DTNBP1: variants seen among roughly 807,000 people sequenced by gnomAD.
The protein encoded by DTNBP1 is dystrobrevin binding protein 1, also known as dysbindin.
Under a neutral mutation model 42.8 loss-of-function variants are expected in DTNBP1, and 35 were observed. That is an observed-to-expected ratio of 0.82 (90% CI 0.63 to 1.09). DTNBP1 has a LOEUF of 1.09. DTNBP1 is among the 50% of genes least tolerant of loss of function. DTNBP1 has a pLI of 0.00. For synonymous variants in DTNBP1, 171 were observed against 162.2 expected, an observed-to-expected ratio of 1.05 and a Z score of -0.41; for missense variants, 457 against 424.2, an observed-to-expected ratio of 1.08 and a Z score of -0.68.
chr6:15,581,825 A>G (rs1055451816), intron 7 of DTNBP1, among the ~76,000 whole-genome samples: 1 of 152,170 alleles, frequency 6.6e-6, no homozygotes, highest in Non-Finnish European at 1.5e-5. Flanking sequence ...TCTGCAATAG[A>G]GAAGATTTGA....
chr6:15,640,655 T>C (rs972463318), intron 3 of DTNBP1, among the ~76,000 whole-genome samples: 1 of 152,184 alleles, frequency 6.6e-6, no homozygotes, highest in Admixed American at 6.5e-5. Flanking sequence ...TTTGAAACAT[T>C]ATGATTTAGG....
At chr6:15,564,014 C>T (rs1774955560) in intron 7 of DTNBP1, among the ~76,000 whole-genome samples, 1 of 148,564 alleles carries the variant, frequency 6.7e-6, no homozygotes, top group Non-Finnish European at 1.5e-5. Context: ...GTGGAGGTTG[C>T]AGTAAGCTGA....
chr6:15,586,660 GTGCCAAGCACCTGAGTCACAA>G (rs1776092234), intron 7 of DTNBP1, among the ~76,000 whole-genome samples: 2 of 152,020 alleles, frequency 1.3e-5, no homozygotes, highest in East Asian at 3.9e-4. Flanking sequence ...AAGCACCAAA[GTGCCAAGCACCTGAGTCACAA>G]TGGTGAACAA....
intron 7 of DTNBP1, among the ~76,000 whole-genome samples, chr6:15,563,540 G>C (rs1400611425): frequency 6.6e-6 from 1 of 152,150 alleles, no homozygotes; most frequent in Non-Finnish European, 1.5e-5. Flanking sequence ...TGTTCCTATA[G>C]ACAGGATCTC....
intron 1 of DTNBP1, among the ~76,000 whole-genome samples, chr6:15,661,082 G>A (rs1249857211): frequency 6.6e-6 from 1 of 152,208 alleles, no homozygotes; most frequent in East Asian, 1.9e-4. Flanking sequence ...AATGATTGAC[G>A]CATGGTAAGT....
intron 9 of DTNBP1, among the ~76,000 whole-genome samples, 170 bp from the exon 10 acceptor site, chr6:15,523,389 G>A (rs746526298): frequency 5.3e-5 from 8 of 152,228 alleles, no homozygotes; most frequent in African/African-American, 1.7e-4. Context: ...TGAGCTGAGC[G>A]ATGCCAGAGG....
rs760939582 is a variant in DTNBP1, at chr6:15,652,096, C to T, written c.101G>A (p.Ser34Asn). The T allele has an allele frequency of 1.7e-5, 28 of 1,612,854 alleles. No individual in the cohort carries two copies. In the Admixed American group the frequency reaches 3.8e-4, roughly 22 times the overall value. The change falls in exon 2 of 10, where the codon AGC becomes AAC. Residue 34 changes from serine to asparagine, a missense_variant. Physicochemically the swap from Ser to Asn is conservative, Grantham distance 46. Transcript: ENST00000344537. ...CTTAGCACAAGCTTACCTGGGTTTG[C>T]TTTTCACTTTTGCTTCTCTTGACTT... Reference protein sequence around the residue: ...SDKSREAKVKSKPRTVPFLPK... With the variant: ...SDKSREAKVKNKPRTVPFLPK...
chr6:15,651,504 ATG>A, intron 2 of DTNBP1, 141 bp from the exon 3 acceptor site: 1 of 1,197,698 alleles, frequency 8.3e-7, no homozygotes, highest in Non-Finnish European at 1.2e-6. Flanking sequence ...TTTTAGAGAA[ATG>A]TGTTTTATTT....
At chr6:15,662,232 A>G (rs748453917) in intron 1 of DTNBP1, among the ~76,000 whole-genome samples, 1 of 152,250 alleles carries the variant, frequency 6.6e-6, no homozygotes, top group Non-Finnish European at 1.5e-5. Flanking sequence ...CGCTGAGCTC[A>G]CGGCAAAGGT....
chr6:15,545,479 G>A (rs1031626041), intron 7 of DTNBP1, among the ~76,000 whole-genome samples: 3 of 152,006 alleles, frequency 2.0e-5, no homozygotes, highest in Admixed American at 6.6e-5. Flanking sequence ...CTTAACCCTT[G>A]CTCCAACACA....
intron 4 of DTNBP1, 127 bp downstream of exon 4, chr6:15,637,617 A>G: frequency 1.0e-6 from 1 of 994,736 alleles, no homozygotes; most frequent in Non-Finnish European, 1.6e-6. Flanking sequence ...ATCAACGACT[A>G]GATTCAATTT....
intron 5 of DTNBP1, among the ~76,000 whole-genome samples, chr6:15,627,067 C>T (rs1759387693): frequency 1.3e-5 from 2 of 152,064 alleles, no homozygotes; most frequent in Admixed American, 1.3e-4. Flanking sequence ...AAACAGAGAC[C>T]AAATGTCAAC....
At chr6:15,591,854 A>G (rs994319611) in intron 7 of DTNBP1, among the ~76,000 whole-genome samples, 2 of 152,248 alleles carry the variant, frequency 1.3e-5, no homozygotes, top group Non-Finnish European at 2.9e-5. Flanking sequence ...GAAAAGAATG[A>G]GAAGGAAAAG....
intron 7 of DTNBP1, among the ~76,000 whole-genome samples, chr6:15,576,109 C>A (rs1775551543): frequency 7.0e-6 from 1 of 143,842 alleles, no homozygotes; most frequent in Admixed American, 7.2e-5. Context: ...TTTATGGTTG[C>A]TATTAACTTC....
chr6:15,597,948 T>C (rs1776579963), intron 6 of DTNBP1, among the ~76,000 whole-genome samples: 1 of 152,248 alleles, frequency 6.6e-6, no homozygotes. Context: ...CATAGTTTAA[T>C]AGTATTTTCA....
intron 5 of DTNBP1, among the ~76,000 whole-genome samples, chr6:15,621,895 G>A (rs997882556): frequency 1.3e-5 from 2 of 152,094 alleles, no homozygotes; most frequent in African/African-American, 4.8e-5. Flanking sequence ...CTCCCACAGG[G>A]CTCCCTTCCT....
Position 15,522,811 on chromosome 6 carries a change from C to G in DTNBP1, c.*164G>C. 2 of 1,239,856 alleles carry G rather than the reference C, an allele frequency of 1.6e-6. No individual in the cohort carries two copies. Among genetic ancestry groups the G allele is most frequent in the Non-Finnish European group, 2.3e-6 (2 of 876,342 alleles). 76.8% of individuals were successfully genotyped at this position (1,239,856 alleles called of 1,614,324 possible). A position where few individuals can be genotyped will look rare whatever the true frequency, so the allele number is the denominator to read the frequency against. On this transcript the variant is annotated 3_prime_UTR_variant, in exon 10 of 10. Transcript: ENST00000344537. ...ACTAGCTCTGTGCGCTCTCAGTTTACCGTCCTCACACTTTATTGTTAGCTG... is the reference window on the plus strand; with the variant it reads ...ACTAGCTCTGTGCGCTCTCAGTTTAGCGTCCTCACACTTTATTGTTAGCTG...
intron 6 of DTNBP1, among the ~76,000 whole-genome samples, chr6:15,596,413 A>AC (rs1561981897): frequency 1.3e-5 from 2 of 152,018 alleles, no homozygotes; most frequent in Admixed American, 1.3e-4. Context: ...TGGCTTCTGG[A>AC]CCCCCCATTA....
At chr6:15,550,056 C>T (rs532815771) in intron 7 of DTNBP1, among the ~76,000 whole-genome samples, 21 of 152,290 alleles carry the variant, frequency 1.4e-4, no homozygotes, top group South Asian at 1.2e-3. Context: ...AGCTCCCCAC[C>T]GTCCATCAGT....
Sources: gnomAD v4.1 joint callset for allele counts (sites outside exome capture counted in the v4.1 genomes callset) on GRCh38, gnomAD v4.1.1 for gene constraint, MANE v1.5 for transcripts, NCBI Gene and HGNC (gene_info 2026-07-23, HGNC 2026-07-21) for gene names.